The following CRYZL1 variants were observed in gnomAD, a reference collection of about 807,000 sequenced individuals.
CRYZL1 encodes the protein crystallin zeta like 1.
A neutral mutation model predicts 50.6 loss-of-function variants in CRYZL1; 34 were observed. The ratio of observed to expected loss-of-function variants is 0.67; its 90% CI spans 0.51 to 0.89. The LOEUF is 0.89. Among genes scored for constraint, CRYZL1 ranks in the 40% least tolerant of loss-of-function variants. CRYZL1 has a pLI of 0.00. For synonymous variants in CRYZL1, 125 were observed against 134.3 expected, an observed-to-expected ratio of 0.93 and a Z score of 0.48; for missense variants, 354 against 402.3, an observed-to-expected ratio of 0.88 and a Z score of 1.03.
chr21:33,616,537 C>T (rs1045675594), intron 5 of CRYZL1, 169 bp downstream of exon 5: 2 of 1,402,464 alleles, frequency 1.4e-6, no homozygotes, highest in Non-Finnish European at 1.9e-6. Context: ...GGTGATTCGC[C>T]CACCTTGGCC....
In CRYZL1 at chr21:33,589,501, A is replaced by C; in HGVS notation, c.*321T>G. 1 of 449,944 alleles carries C rather than the reference A, an allele frequency of 2.2e-6. No homozygotes were observed. The highest frequency in any genetic ancestry group is 4.2e-5 in the South Asian group (1 of 23,662). The allele number at this position is 449,944 out of a possible 1,614,324, so 27.9% of individuals were successfully genotyped here. On this transcript the variant is annotated 3_prime_UTR_variant, in exon 13 of 13. Coordinates refer to ENST00000381554, the MANE Select transcript of CRYZL1 (RefSeq NM_145858.3). The stretch of plus-strand genomic sequence containing the variant: ...AAGGCCTGCAACAGCTTTTATCAAG[A>C]GTAGTGTGACTTTTGCTGAAAGCAG...
intron 6 of CRYZL1, 112 bp downstream of exon 6, chr21:33,613,426 A>G (rs2086893777): frequency 1.4e-6 from 1 of 691,862 alleles, no homozygotes; most frequent in Non-Finnish European, 2.5e-6. Flanking sequence ...GGCTAATGAT[A>G]CTTTATTAAG....
intron 8 of CRYZL1, among the ~76,000 whole-genome samples, chr21:33,601,911 T>G (rs1226682487): frequency 6.7e-6 from 1 of 148,236 alleles, no homozygotes; most frequent in Non-Finnish European, 1.5e-5. Context: ...AGTGAGACCC[T>G]GTTTCAAAAA....
At chr21:33,600,933 G>GTTTTTTTT (rs764185960) in intron 8 of CRYZL1, among the ~76,000 whole-genome samples, 1,838 of 59,526 alleles carry the variant, frequency 0.031, 722 homozygotes, top group South Asian at 0.046. Flanking sequence ...GGTCCATAAA[G>GTTTTTTTT]TTTTTTTTTT....
chr21:33,617,055 T>C, intron 4 of CRYZL1: 1 of 181,642 alleles, frequency 5.5e-6, no homozygotes, highest in Non-Finnish European at 1.1e-5. Flanking sequence ...TCTGCTCTTG[T>C]CAACCAGGCT....
At position 33,605,530 on chromosome 21, in the gene CRYZL1, C is replaced by CTTTTTTTTTTCTTTTTTTTTTTTTTT; in HGVS notation, c.332-1994_332-1993insAAAAAAAAAAAAAAAGAAAAAAAAAA. 3.8e-5 allele frequency among the ~76,000 whole-genome samples: 2 copies of CTTTTTTTTTTCTTTTTTTTTTTTTTT among 53,196 alleles called. 1 individual carries two copies. Among genetic ancestry groups the CTTTTTTTTTTCTTTTTTTTTTTTTTT allele is most frequent in the East Asian group, 1.3e-3 (2 of 1,528 alleles). 34.9% of individuals were successfully genotyped at this position (53,196 alleles called of 152,430 possible). ...GTAATTTTTCCGCAGTACAAGAATT[C>CTTTTTTTTTTCTTTTTTTTTTTTTTT]TTTTTTTTTTGAGATGGAGTCTCAC... On this transcript the variant is annotated intron_variant, in intron 6 of 12. Coordinates refer to ENST00000381554, the MANE Select transcript of CRYZL1 (RefSeq NM_145858.3).
At chr21:33,631,796 T>C (rs1327947841) in intron 1 of CRYZL1, among the ~76,000 whole-genome samples, 2 of 152,218 alleles carry the variant, frequency 1.3e-5, no homozygotes, top group African/African-American at 2.4e-5. Flanking sequence ...AAGGCAAACA[T>C]GCTTCATTTT....
At chr21:33,589,967 G>C in intron 12 of CRYZL1, 46 bp from the exon 13 acceptor site, 5 of 1,151,238 alleles carry the variant, frequency 4.3e-6, no homozygotes, top group Non-Finnish European at 6.4e-6. Context: ...TTAAAGATAA[G>C]TAGAACAAAC....
At chr21:33,592,412 C>T (rs554958817) in intron 11 of CRYZL1, among the ~76,000 whole-genome samples, 1 of 152,206 alleles carries the variant, frequency 6.6e-6, no homozygotes, top group South Asian at 2.1e-4. Context: ...GCTGGGATTA[C>T]AGGCATGAGC....
At chr21:33,639,766 C>G (rs2145970004) in intron 1 of CRYZL1, 1 of 150,886 alleles carries the variant, frequency 6.6e-6, no homozygotes. Flanking sequence ...CTTTATTATG[C>G]ATAAAATGGA....
intron 2 of CRYZL1, among the ~76,000 whole-genome samples, chr21:33,625,117 T>C (rs1158332786): frequency 1.3e-5 from 2 of 152,096 alleles, no homozygotes; most frequent in East Asian, 3.9e-4. Flanking sequence ...TTTACAGGGA[T>C]ATCCTTAAAC....
chr21:33,606,609 G>A (rs1488897530), intron 6 of CRYZL1, among the ~76,000 whole-genome samples: 2 of 151,772 alleles, frequency 1.3e-5, no homozygotes, highest in Non-Finnish European at 2.9e-5. Flanking sequence ...CTAGGTGACA[G>A]GGCAAGACTT....
chr21:33,596,001 G>T, intron 10 of CRYZL1, 165 bp from the exon 11 acceptor site: 1 of 630,072 alleles, frequency 1.6e-6, no homozygotes, highest in Admixed American at 2.8e-5. Context: ...CTATTTCATG[G>T]TCCAAAATGA....
chr21:33,617,698 C>A (rs1257043239), intron 4 of CRYZL1, among the ~76,000 whole-genome samples: 1 of 152,122 alleles, frequency 6.6e-6, no homozygotes, highest in Non-Finnish European at 1.5e-5. Context: ...CACTGGTAAT[C>A]AGAACGGAAC....
At chr21:33,599,365 A>G (rs1467177989) in intron 8 of CRYZL1, 117 bp from the exon 9 acceptor site, 3 of 1,326,626 alleles carry the variant, frequency 2.3e-6, no homozygotes, top group African/African-American at 1.5e-5. Flanking sequence ...GAGTTAAGCA[A>G]TTCAAACAAT....
intron 1 of CRYZL1, among the ~76,000 whole-genome samples, 187 bp downstream of exon 1, chr21:33,641,494 T>A (rs996855098): frequency 1.3e-5 from 2 of 152,050 alleles, no homozygotes; most frequent in Admixed American, 6.5e-5. Flanking sequence ...AAACTGTCCC[T>A]CAAATCTAGT....
intron 1 of CRYZL1, among the ~76,000 whole-genome samples, chr21:33,634,858 C>G (rs2087184035): frequency 7.2e-6 from 1 of 139,806 alleles, no homozygotes. Context: ...CCCTAGTATC[C>G]CTTAAAACAA....
At chr21:33,601,369 T>C (rs1022602671) in intron 8 of CRYZL1, among the ~76,000 whole-genome samples, 1 of 152,148 alleles carries the variant, frequency 6.6e-6, no homozygotes, top group Admixed American at 6.6e-5. Context: ...GGAAATAATG[T>C]GAGCTTTACT....
At chr21:33,618,614 G>A (rs997265352) in intron 4 of CRYZL1, among the ~76,000 whole-genome samples, 14 of 152,122 alleles carry the variant, frequency 9.2e-5, no homozygotes, top group African/African-American at 3.1e-4. Context: ...CAACAAAATG[G>A]CCCCAGAGTG....
Sources: gnomAD v4.1 joint callset for allele counts (sites outside exome capture counted in the v4.1 genomes callset) on GRCh38, gnomAD v4.1.1 for gene constraint, MANE v1.5 for transcripts, NCBI Gene and HGNC (gene_info 2026-07-23, HGNC 2026-07-21) for gene names.